The following CTSE variants were observed in gnomAD, a reference collection of about 807,000 sequenced individuals.
CTSE encodes the protein cathepsin E, also known as erythrocyte membrane aspartic proteinase.
CTSE carries 43 observed loss-of-function variants against 42.8 expected under a neutral mutation model. The observed-to-expected ratio is 1.01, with a 90% CI of 0.79 to 1.30. The LOEUF is 1.30. Ranked by LOEUF, CTSE falls within the 50% of genes most tolerant of loss-of-function variation. The pLI is 0.00. For missense variants in CTSE, 532 were observed against 493.5 expected (o/e 1.08, Z -0.74); for synonymous variants, 205 against 191.5 (o/e 1.07, Z -0.58).
chr1:206,015,938 T>C lies in CTSE; in HGVS notation c.655A>G (p.Met219Val), dbSNP rs1019901333. ...AGACTTGATGGGCCTTACCTGCTCA[T>C]GTAGACAGAAAACATCGGCAAGTCC... is the stretch of plus-strand genomic sequence containing the variant. ...LVDLPMFSVY[M>V]SSNPEGGAGS... The change falls in exon 5 of 9, where the codon ATG (methionine) becomes GTG (valine). Residue 219 changes from methionine to valine, a missense_variant. Met to Val is a conservative substitution (Grantham distance 21, BLOSUM62 1). Transcript: ENST00000358184. The C allele has an allele frequency of 6.2e-7, 1 of 1,613,776 alleles. No homozygotes were observed. Among genetic ancestry groups the C allele is most frequent in the South Asian group, 1.1e-5 (1 of 91,062 alleles).
chr1:206,014,131 G>T, intron 5 of CTSE: 1 of 479,068 alleles, frequency 2.1e-6, no homozygotes, highest in South Asian at 2.6e-5. Context: ...CTGCTTCTTG[G>T]ATAAAAAGGT....
intron 8 of CTSE, among the ~76,000 whole-genome samples, chr1:206,011,271 G>T (rs146743828): frequency 1.3e-5 from 2 of 151,924 alleles, no homozygotes; most frequent in Admixed American, 1.3e-4. Flanking sequence ...AAAGAACCAC[G>T]CACCTCCCCT....
chr1:206,023,158 G>T, intron 1 of CTSE, 101 bp from the exon 2 acceptor site: 1 of 1,010,682 alleles, frequency 9.9e-7, no homozygotes, highest in Non-Finnish European at 1.5e-6. Flanking sequence ...AAGATGGGGT[G>T]GGAGGGGGGG....
At chr1:206,017,120 T>C (rs1287221784) in intron 4 of CTSE, among the ~76,000 whole-genome samples, 2 of 152,138 alleles carry the variant, frequency 1.3e-5, no homozygotes, top group Non-Finnish European at 2.9e-5. Context: ...TATTTAGTAA[T>C]GTTTGCTATT....
At chr1:206,013,191 G>T (rs968948098) in intron 6 of CTSE, among the ~76,000 whole-genome samples, 1 of 152,004 alleles carries the variant, frequency 6.6e-6, no homozygotes, top group Non-Finnish European at 1.5e-5. Context: ...CTAGCACGGC[G>T]CTAGGTATGA....
chr1:206,021,329 A>T (rs1297319535), intron 3 of CTSE, 162 bp from the exon 4 acceptor site: 7 of 631,762 alleles, frequency 1.1e-5, no homozygotes, highest in Non-Finnish European at 2.0e-5. Context: ...ATGAACAACT[A>T]CATTTCCCTC....
chr1:206,011,574 G>A, intron 8 of CTSE, among the ~76,000 whole-genome samples: 1 of 152,164 alleles, frequency 6.6e-6, no homozygotes, highest in Non-Finnish European at 1.5e-5. Flanking sequence ...TGGATTGTCT[G>A]TTGGTGGCTT....
At chr1:206,016,695 C>T (rs1393141479) in intron 4 of CTSE, among the ~76,000 whole-genome samples, 2 of 152,094 alleles carry the variant, frequency 1.3e-5, no homozygotes, top group Non-Finnish European at 1.5e-5. Flanking sequence ...AATATACCAT[C>T]ATTTCCTCCA....
At position 206,013,842 on chromosome 1, in the gene CTSE, A is replaced by G. The variant is rs145082936; in HGVS notation, c.715T>C (p.Ser239Pro). ...SELIFGGYDHSHFSGSLNWVP... is the reference protein window; with the variant it reads ...SELIFGGYDHPHFSGSLNWVP... ...CAATTCAGGCTCCCAGAGAAATGGGAGTGGTCGTAGCCTCCAAAAATCAGC... is the reference window on the plus strand; with the variant it reads ...CAATTCAGGCTCCCAGAGAAATGGGGGTGGTCGTAGCCTCCAAAAATCAGC... The change falls in exon 6 of 9, where the codon TCC (serine) becomes CCC (proline). Residue 239 changes from serine (S) to proline (P), a missense_variant. Physicochemically the swap from Ser to Pro is moderately conservative, Grantham distance 74. Coordinates refer to ENST00000358184, the MANE Select transcript of CTSE (RefSeq NM_001910.4). 3.8e-5 allele frequency: 61 copies of G among 1,613,786 alleles called. No individual in the cohort carries two copies. The African/African-American group carries it at 7.1e-4, about 19-fold the overall frequency.
rs1413938405 is a variant in CTSE, at chr1:206,009,337, A to G, written c.*846T>C. On this transcript the variant is annotated 3_prime_UTR_variant, in exon 9 of 9. Transcript: ENST00000358184. ...CCACCCAGCAGTCTTAACATTACCA[A>G]TAGAGAGGCACCAGCATTATCTGCC... The G allele has an allele frequency of 1.3e-5, 2 of 152,226 alleles. No individual in the cohort carries two copies. Among genetic ancestry groups the G allele is most frequent in the Non-Finnish European group, 2.9e-5 (2 of 68,002 alleles). 9.4% of individuals were successfully genotyped at this position (152,226 alleles called of 1,614,324 possible).
At chr1:206,020,440 G>C (rs1553278209) in intron 4 of CTSE, among the ~76,000 whole-genome samples, 1 of 151,968 alleles carries the variant, frequency 6.6e-6, no homozygotes, top group Non-Finnish European at 1.5e-5. Flanking sequence ...CCAAGGCCCA[G>C]GCATATATTG....
intron 6 of CTSE, 100 bp downstream of exon 6, chr1:206,013,672 C>T: frequency 1.4e-6 from 2 of 1,444,392 alleles, no homozygotes; most frequent in Non-Finnish European, 1.9e-6. Context: ...CTTCTGGCAT[C>T]CTCTGCTAGT....
rs201787873 is a variant in CTSE, at chr1:206,022,232, T to C, written c.261A>G (p.Pro87=). The change falls in exon 3 of 9, where the codon CCA becomes CCG. Residue 87 remains proline, a synonymous_variant. Transcript: ENST00000358184. ...EYFGTISIGS[P]PQNFTVIFDT... Reference sequence around the variant, plus strand: ...CGAAGATGACAGTGAAGTTCTGTGGTGGGGAGCCAATGGAGATAGTGCCGA... The same window carrying C: ...CGAAGATGACAGTGAAGTTCTGTGGCGGGGAGCCAATGGAGATAGTGCCGA... 6.2e-7 allele frequency: 1 copy of C among 1,612,706 alleles called. No individual in the cohort carries two copies. The highest frequency in any genetic ancestry group is 1.7e-5 in the Admixed American group (1 of 59,952).
chr1:206,022,873 C>A (rs1553278654), intron 2 of CTSE, 28 bp downstream of exon 2: 5 of 1,542,486 alleles, frequency 3.2e-6, no homozygotes, highest in Middle Eastern at 1.7e-4. Context: ...TCCCACCTCT[C>A]CCCAGCCCTG....
At chr1:206,023,512 C>A (rs1553278806) in intron 1 of CTSE, among the ~76,000 whole-genome samples, 1 of 151,894 alleles carries the variant, frequency 6.6e-6, no homozygotes, top group African/African-American at 2.4e-5. Flanking sequence ...GAAGGCACCT[C>A]CGTGGAGGTG....
In CTSE at chr1:206,021,183, C is replaced by A. The variant is rs1239637743; in HGVS notation, c.344-16G>T. ...CTGTGCGTCTCTGGAAAGAAGTGCA[C>A]TGCTCTTGCTTATGCCATCGGCTCA... On this transcript the variant is annotated splice_polypyrimidine_tract_variant and intron_variant, in intron 3 of 8. Transcript: ENST00000358184. The A allele has an allele frequency of 1.3e-6, 2 of 1,581,632 alleles. No individual in the cohort carries two copies. Among genetic ancestry groups the A allele is most frequent in the African/African-American group, 2.7e-5 (2 of 74,306 alleles).
At chr1:206,013,122 A>C (rs76779310) in intron 6 of CTSE, among the ~76,000 whole-genome samples, 42,209 of 151,714 alleles carry the variant, frequency 0.28, 7,915 homozygotes, top group African/African-American at 0.53. Context: ...GGTACCTTGC[A>C]GGAACTCAAT....
chr1:206,015,870 G>GT lies in CTSE; in HGVS notation c.662+60dup, dbSNP rs142173749. 4.8e-3 allele frequency: 7,193 copies of GT among 1,484,764 alleles called. 255 individuals are homozygous for GT. In the African/African-American group the frequency reaches 0.075, roughly 15 times the overall value. The allele number at this position is 1,484,764 out of a possible 1,614,324, so 92.0% of individuals were successfully genotyped here. ...AGGTCTTTTGACTGCTAAGTCAAGT[G>GT]TATGTGTTGTCTCCCTGTAGTTATA... On this transcript the variant is annotated intron_variant, in intron 5 of 8. Transcript: ENST00000358184.
chr1:206,022,303 T>C, intron 2 of CTSE, 36 bp from the exon 3 acceptor site: 1 of 1,471,548 alleles, frequency 6.8e-7, no homozygotes, highest in Non-Finnish European at 9.4e-7. Context: ...AGGGTGTGGG[T>C]GGTGGGGAGG....
Sources: allele counts gnomAD v4.1 joint callset (sites outside exome capture counted in the v4.1 genomes callset), GRCh38; gene constraint gnomAD v4.1.1; transcripts MANE v1.5; gene names NCBI Gene and HGNC (gene_info 2026-07-23, HGNC 2026-07-21).